PSMC3: variants seen among roughly 807,000 people sequenced by gnomAD.
The protein encoded by PSMC3 is 26S proteasome regulatory subunit 6A.
Under a neutral mutation model 52.0 loss-of-function variants are expected in PSMC3, and 11 were observed. The ratio of observed to expected loss-of-function variants is 0.21; its 90% CI spans 0.13 to 0.35. PSMC3 has a LOEUF of 0.35. Ranked by LOEUF, PSMC3 falls within the 10% of genes least tolerant of loss-of-function variation. PSMC3 has a pLI of 1.00. For synonymous variants in PSMC3, 201 were observed against 218.8 expected, an observed-to-expected ratio of 0.92 and a Z score of 0.72; for missense variants, 238 against 567.1, an observed-to-expected ratio of 0.42 and a Z score of 5.89.
intron 8 of PSMC3, among the ~76,000 whole-genome samples, chr11:47,421,480 G>C (rs7950102): frequency 1.3e-5 from 2 of 151,980 alleles, no homozygotes; most frequent in Non-Finnish European, 2.9e-5. Flanking sequence ...GTGGAGAACA[G>C]GGTAAGAGCC....
In PSMC3 at chr11:47,424,316, C is replaced by A. The variant is rs1459885907; in HGVS notation, c.453+113G>T. On this transcript the variant is annotated intron_variant, in intron 5 of 11. Transcript: ENST00000298852. This position sits in a 1 kb window ranked among gnomAD's most constrained non-coding sequence, Gnocchi z 4.8. ...GAATCAAACAGCAAGTAGACAGAAT[C>A]CCAGACTCTCGGAGCTGTTCTGCCA... 1 of 1,555,608 alleles carries A rather than the reference C, an allele frequency of 6.4e-7. No individual in the cohort carries two copies. The highest frequency in any genetic ancestry group is 1.4e-5 in the African/African-American group (1 of 73,474).
rs574933431 is a variant in PSMC3 at position 47,425,903 on chromosome 11, G to A, written c.123C>T (p.Ile41=). The change falls in exon 2 of 12, where the codon ATC becomes ATT. Residue 41 remains isoleucine (I), a synonymous_variant. Transcript: ENST00000298852. Reference sequence around the variant, plus strand: ...TGTCCAGCAGCCGTGTGCGCTGGATGATCTCCTCCGTGGACATCTTGAGCA... The same window carrying A: ...TGTCCAGCAGCCGTGTGCGCTGGATAATCTCCTCCGTGGACATCTTGAGCA... ...EEVLKMSTEE[I]IQRTRLLDSE... The A allele has an allele frequency of 1.9e-5, 30 of 1,614,052 alleles. No homozygotes were observed. The East Asian group carries it at 6.5e-4, about 35-fold the overall frequency.
At chr11:47,421,634 G>C (rs947743653) in intron 8 of PSMC3, among the ~76,000 whole-genome samples, 8 of 142,104 alleles carry the variant, frequency 5.6e-5, no homozygotes, top group African/African-American at 1.6e-4. Context: ...GGGAGCAACA[G>C]GGAGGCCCAG....
intron 6 of PSMC3, among the ~76,000 whole-genome samples, chr11:47,423,274 G>A (rs1475481761): frequency 6.6e-6 from 1 of 152,102 alleles, no homozygotes; most frequent in African/African-American, 2.4e-5. Flanking sequence ...GTGGTCGGGT[G>A]CCTGTAGTCC....
At position 47,422,857 on chromosome 11, in the gene PSMC3, C is replaced by A. The variant is rs762566659; in HGVS notation, c.708G>T (p.Leu236=). The change falls in exon 7 of 12, where the codon CTG becomes CTT. Residue 236 remains leucine, a synonymous_variant. Transcript: ENST00000298852. The surrounding 1 kb of genome is among the most constrained non-coding windows in gnomAD (Gnocchi z 4.3). ...YGPPGTGKTL[L]ARACAAQTKA... ...TAGTCTGTGCGGCACAGGCCCGGGC[C>A]AGGAGGGTCTTCCCCGTCCCTGGGG... 5 of 1,612,632 alleles carry A rather than the reference C, an allele frequency of 3.1e-6. No homozygotes were observed. The East Asian group carries it at 6.7e-5, about 22-fold the overall frequency.
At chr11:47,421,493 G>A (rs1037139693) in intron 8 of PSMC3, among the ~76,000 whole-genome samples, 1 of 151,980 alleles carries the variant, frequency 6.6e-6, no homozygotes, top group African/African-American at 2.4e-5. Flanking sequence ...TAAGAGCCAC[G>A]GCGGGCCTGA....
chr11:47,419,578 G>A (rs916927664), intron 10 of PSMC3, among the ~76,000 whole-genome samples: 1 of 152,164 alleles, frequency 6.6e-6, no homozygotes, highest in Non-Finnish European at 1.5e-5. Context: ...GTGAGGCTGA[G>A]GCCGGGCGTG....
Position 47,424,462 on chromosome 11 carries a change from CACCA to C in PSMC3, c.416_419del (p.Leu139TrpfsTer6). ...CTCCTGGCTTTAGCTTTTCAGCATCCACCAACCCAATCACAGGAAGGAAGTACGT... is the reference window on the plus strand; with the variant it reads ...CTCCTGGCTTTAGCTTTTCAGCATCCACCCAATCACAGGAAGGAAGTACGT... On this transcript the variant is annotated frameshift_variant, in exon 5 of 12. Coordinates refer to ENST00000298852, the MANE Select transcript of PSMC3 (RefSeq NM_002804.5). LOFTEE classifies it high-confidence loss of function. The surrounding 1 kb of genome is among the most constrained non-coding windows in gnomAD (Gnocchi z 4.8). 1 of 1,614,202 alleles carries C rather than the reference CACCA, an allele frequency of 6.2e-7. No homozygotes were observed. Among genetic ancestry groups the C allele is most frequent in the Non-Finnish European group, 8.5e-7 (1 of 1,180,020 alleles).
chr11:47,419,054 T>C (rs1236568799), intron 11 of PSMC3, 62 bp downstream of exon 11: 16 of 1,603,322 alleles, frequency 1.0e-5, no homozygotes, highest in Non-Finnish European at 1.3e-5. Context: ...AATGCCCCCA[T>C]CCTGTCCAGG....
At chr11:47,421,178 A>C (rs1366144853) in intron 8 of PSMC3, among the ~76,000 whole-genome samples, 1 of 120,896 alleles carries the variant, frequency 8.3e-6, no homozygotes, top group African/African-American at 3.1e-5. Flanking sequence ...TGAACCCGGG[A>C]GGTGGAGGTT....
intron 6 of PSMC3, among the ~76,000 whole-genome samples, chr11:47,423,492 A>T (rs1303986997): frequency 6.6e-6 from 1 of 150,454 alleles, no homozygotes; most frequent in Non-Finnish European, 1.5e-5. Flanking sequence ...GGCAGAAAAG[A>T]CACCGGGCCA....
rs1595890918 is a variant in PSMC3, at chr11:47,419,122, C to T, written c.1203G>A (p.Val401=). The T allele has an allele frequency of 6.2e-7, 1 of 1,614,084 alleles. No homozygotes were observed. The highest frequency in any genetic ancestry group is 1.6e-4 in the Middle Eastern group (1 of 6,062). Residue 401 remains valine, a synonymous_variant, in exon 11 of 12, where the codon GTG becomes GTA. Coordinates refer to ENST00000298852, the MANE Select transcript of PSMC3 (RefSeq NM_002804.5). ...ACCCCAGCTGACCACTCACCGCCTC[C>T]ACACACACAGCCTTGCACTGGGCCC... The part of the protein sequence containing the change: ...FNGAQCKAVC[V]EAGMIALRRG...
At chr11:47,423,109 A>G in intron 6 of PSMC3, 136 bp from the exon 7 acceptor site, 2 of 993,580 alleles carry the variant, frequency 2.0e-6, no homozygotes, top group East Asian at 4.9e-5. Context: ...CCATATCAAG[A>G]GGACACAAGG....
intron 8 of PSMC3, among the ~76,000 whole-genome samples, chr11:47,421,019 C>A (rs1414281448): frequency 6.6e-6 from 1 of 152,000 alleles, no homozygotes; most frequent in African/African-American, 2.4e-5. Context: ...CCAAGGTGGG[C>A]CTATCACCTG....
chr11:47,419,635 G>A (rs531715484), intron 10 of PSMC3, among the ~76,000 whole-genome samples: 3 of 152,204 alleles, frequency 2.0e-5, no homozygotes, highest in Admixed American at 6.5e-5. Context: ...CAAGGTGGGC[G>A]GATCACAAGG....
Position 47,420,169 on chromosome 11 carries a change from C to T in PSMC3, c.1127+95G>A, listed in dbSNP as rs1019764871. The T allele has an allele frequency of 1.0e-5, 15 of 1,455,552 alleles. No individual in the cohort carries two copies. In the African/African-American group the frequency reaches 1.3e-4, roughly 12 times the overall value. 90.2% of individuals were successfully genotyped at this position (1,455,552 alleles called of 1,614,324 possible). A position where few individuals can be genotyped will look rare whatever the true frequency, so the allele number is the denominator to read the frequency against. ...TGCCTGGGGCCTGGGAGGTGGTGGT[C>T]GTGGAGGCTGGGGAAGATCAGTACA... On this transcript the variant is annotated intron_variant, in intron 10 of 11. Transcript: ENST00000298852.
In PSMC3 at chr11:47,422,509, C is replaced by T; in HGVS notation, c.884+65G>A. The T allele has an allele frequency of 5.0e-6, 8 of 1,587,768 alleles. No individual in the cohort carries two copies. The highest frequency in any genetic ancestry group is 6.9e-6 in the Non-Finnish European group (8 of 1,162,536). On this transcript the variant is annotated intron_variant, in intron 8 of 11. Transcript: ENST00000298852. The surrounding 1 kb of genome is among the most constrained non-coding windows in gnomAD (Gnocchi z 4.3). Reference sequence around the variant, plus strand: ...GGGAAGGAACCACAATTTAGCACAACTGAGAGTCAACCCGCTTCCCCTTAC... The same window carrying T: ...GGGAAGGAACCACAATTTAGCACAATTGAGAGTCAACCCGCTTCCCCTTAC...
rs773742401 is a variant in PSMC3, at chr11:47,425,166, G to A, written c.240C>T (p.Ile80=). Residue 80 remains isoleucine, a synonymous_variant, in exon 3 of 12, where the codon ATC becomes ATT. Coordinates refer to ENST00000298852, the MANE Select transcript of PSMC3 (RefSeq NM_002804.5). ...KDKIKENSEK[I]KVNKTLPYLV... is the part of the protein sequence containing the mutation. ...GGTACGGCAGGGTCTTGTTCACTTT[G>A]ATTTTCTCACTGTTCTCTTTTATCT... 3.7e-6 allele frequency: 6 copies of A among 1,614,120 alleles called. No homozygotes were observed. The Admixed American group carries it at 8.3e-5, about 22-fold the overall frequency.
At chr11:47,421,590 C>T (rs532935750) in intron 8 of PSMC3, among the ~76,000 whole-genome samples, 1 of 151,962 alleles carries the variant, frequency 6.6e-6, no homozygotes, top group African/African-American at 2.4e-5. Context: ...AAAGGCAGCA[C>T]ACGTTGAGCC....
Sources: gnomAD v4.1 joint callset for allele counts (sites outside exome capture counted in the v4.1 genomes callset) on GRCh38, gnomAD v4.1.1 for gene constraint, Gnocchi (gnomAD v3.1) non-coding constraint, MANE v1.5 for transcripts, NCBI Gene and HGNC (gene_info 2026-07-23, HGNC 2026-07-21) for gene names.